The following ASH1L variants were observed in gnomAD, a reference collection of about 807,000 sequenced individuals.
ASH1L encodes the protein histone-lysine N-methyltransferase ASH1L.
A neutral mutation model predicts 269.0 loss-of-function variants in ASH1L; 23 were observed. The ratio of observed to expected loss-of-function variants is 0.09; its 90% CI spans 0.06 to 0.12. The LOEUF (loss-of-function observed/expected upper bound fraction) is 0.12, where lower values mean the gene tolerates loss of function less well. Ranked by LOEUF, ASH1L falls within the 10% of genes least tolerant of loss-of-function variation. ASH1L has a pLI of 1.00. For missense variants in ASH1L, 2,912 were observed against 3,567.8 expected (o/e 0.82, Z 4.68); for synonymous variants, 1,187 against 1,253.5 (o/e 0.95, Z 1.12).
At chr1:155,491,057 C>G (rs1177026947) in intron 2 of ASH1L, among the ~76,000 whole-genome samples, 1 of 135,604 alleles carries the variant, frequency 7.4e-6, no homozygotes, top group Admixed American at 7.6e-5. Context: ...ATCTATTATT[C>G]TAAACGTCTT....
chr1:155,497,634 C>T (rs988182421), intron 2 of ASH1L, among the ~76,000 whole-genome samples: 16 of 152,000 alleles, frequency 1.1e-4, no homozygotes, highest in African/African-American at 3.4e-4. Context: ...CTGGGGGAGT[C>T]AAAAGTTATA....
chr1:155,528,576 G>A (rs772802153), intron 1 of ASH1L, among the ~76,000 whole-genome samples: 2 of 152,142 alleles, frequency 1.3e-5, no homozygotes, highest in Non-Finnish European at 2.9e-5. Flanking sequence ...TCTGCTGGCA[G>A]ACTTGCCTCT....
chr1:155,562,648 C>T lies in ASH1L; in HGVS notation c.-595G>A, dbSNP rs1672106356. The stretch of plus-strand genomic sequence containing the variant: ...CGGGCTCGTCGCTGGCTGCTCCCAC[C>T]AACCACCACCTTCGGCCGCCCCGCG... On this transcript the variant is annotated 5_prime_UTR_variant, in exon 1 of 28. Transcript: ENST00000392403. 1 of 1,525,758 alleles carries T rather than the reference C, an allele frequency of 6.6e-7. No individual in the cohort carries two copies. The highest frequency in any genetic ancestry group is 1.4e-5 in the African/African-American group (1 of 72,870). 94.5% of individuals were successfully genotyped at this position (1,525,758 alleles called of 1,614,324 possible). A position where few individuals can be genotyped will look rare whatever the true frequency, so the allele number is the denominator to read the frequency against.
At chr1:155,436,220 G>A (rs777327744) in intron 5 of ASH1L, among the ~76,000 whole-genome samples, 4 of 151,728 alleles carry the variant, frequency 2.6e-5, no homozygotes, top group South Asian at 2.1e-4. Flanking sequence ...ACAAAGTTTC[G>A]CTCTTGTTGC....
Position 155,459,891 on chromosome 1 carries a change from C to T in ASH1L, c.4992G>A (p.Gln1664=). The T allele has an allele frequency of 6.3e-7, 1 of 1,590,378 alleles. No individual in the cohort carries two copies. The highest frequency in any genetic ancestry group is 8.5e-7 in the Non-Finnish European group (1 of 1,170,416). ...GCTGGGAGGGTTTATCAGAGGTTGG[C>T]TGGGAGCCTGGAGAAAGAGAAAAAG... ...ERAVQTLAGS[Q]PTSDKPSQRP... The change falls in exon 4 of 28, where the codon CAG becomes CAA. Residue 1664 remains glutamine, a synonymous_variant. Transcript: ENST00000392403.
intron 1 of ASH1L, among the ~76,000 whole-genome samples, chr1:155,525,434 T>C (rs1324898162): frequency 6.6e-6 from 1 of 151,212 alleles, no homozygotes; most frequent in African/African-American, 2.4e-5. Context: ...TGAATAATGA[T>C]AAATTACAAT....
chr1:155,488,074 A>G, intron 2 of ASH1L, among the ~76,000 whole-genome samples: 1 of 150,952 alleles, frequency 6.6e-6, no homozygotes, highest in East Asian at 2.0e-4. Flanking sequence ...TTTAGTAAAG[A>G]CGGGGTTTCA....
intron 3 of ASH1L, among the ~76,000 whole-genome samples, chr1:155,461,351 A>G (rs1664286409): frequency 6.6e-6 from 1 of 151,688 alleles, no homozygotes; most frequent in Non-Finnish European, 1.5e-5. Context: ...GTGAGATGTA[A>G]GACTATATGC....
intron 4 of ASH1L, among the ~76,000 whole-genome samples, chr1:155,443,790 A>C (rs1402802310): frequency 6.6e-6 from 1 of 152,106 alleles, no homozygotes; most frequent in Non-Finnish European, 1.5e-5. Context: ...TACTATTCAC[A>C]TATTTCTTTT....
chr1:155,468,231 A>ATTAT (rs553318025), intron 3 of ASH1L, among the ~76,000 whole-genome samples: 1 of 148,824 alleles, frequency 6.7e-6, no homozygotes, highest in Non-Finnish European at 1.5e-5. Context: ...TATTATTATT[A>ATTAT]TTTTTTTTTT....
At chr1:155,405,248 AG>A (rs144076189) in intron 6 of ASH1L, among the ~76,000 whole-genome samples, 16,373 of 148,880 alleles carry the variant, frequency 0.11, 1,985 homozygotes, top group East Asian at 0.68. Context: ...TAGGGGGCTG[AG>A]GGGGGGGCAG....
intron 3 of ASH1L, among the ~76,000 whole-genome samples, chr1:155,471,101 TAA>T (rs1175462004): frequency 6.6e-6 from 1 of 152,220 alleles, no homozygotes; most frequent in Non-Finnish European, 1.5e-5. Context: ...AAAAGTATAT[TAA>T]GTTTCTATTA....
At chr1:155,537,897 C>T (rs1180359455) in intron 1 of ASH1L, among the ~76,000 whole-genome samples, 3 of 152,180 alleles carry the variant, frequency 2.0e-5, no homozygotes, top group African/African-American at 7.2e-5. Context: ...GGAAGCCACT[C>T]CTGAGTCTTA....
intron 3 of ASH1L, among the ~76,000 whole-genome samples, chr1:155,466,366 CA>C (rs1664700112): frequency 6.6e-6 from 1 of 151,792 alleles, no homozygotes; most frequent in Non-Finnish European, 1.5e-5. Context: ...AAAAACAAAA[CA>C]AAACAAAACA....
Position 155,481,350 on chromosome 1 carries a change from G to A in ASH1L, c.1520C>T (p.Ser507Leu). ...EGTCIQQDSF[S>L]SSEKGSYETS... The stretch of plus-strand genomic sequence containing the variant: ...TTCATAAGATCCCTTTTCACTGGAT[G>A]AGAAACTGTCTTGCTGAATGCATGT... The change falls in exon 3 of 28, where the codon TCA becomes TTA. Residue 507 changes from serine to leucine, a missense_variant. Ser to Leu is a moderately radical substitution (Grantham distance 145). Coordinates refer to ENST00000392403, the MANE Select transcript of ASH1L (RefSeq NM_018489.3). 3 of 1,614,122 alleles carry A rather than the reference G, an allele frequency of 1.9e-6. No homozygotes were observed. Among genetic ancestry groups the A allele is most frequent in the African/African-American group, 1.3e-5 (1 of 75,062 alleles).
At chr1:155,369,257 C>A (rs1370923709) in intron 12 of ASH1L, among the ~76,000 whole-genome samples, 1 of 152,076 alleles carries the variant, frequency 6.6e-6, no homozygotes, top group Non-Finnish European at 1.5e-5. Context: ...TCCTGGCTAA[C>A]ACAGTGAAAC....
At chr1:155,442,796 A>G (rs566452748) in intron 4 of ASH1L, among the ~76,000 whole-genome samples, 1 of 152,102 alleles carries the variant, frequency 6.6e-6, no homozygotes, top group South Asian at 2.1e-4. Context: ...TTTTTTCTTG[A>G]TTCAAGGCCT....
At chr1:155,528,792 T>C (rs749747042) in intron 1 of ASH1L, among the ~76,000 whole-genome samples, 1 of 152,172 alleles carries the variant, frequency 6.6e-6, no homozygotes, top group African/African-American at 2.4e-5. Context: ...GTTTATTTCA[T>C]CACCCAGGTA....
intron 2 of ASH1L, among the ~76,000 whole-genome samples, chr1:155,497,751 C>T (rs75915840): frequency 0.04 from 5,422 of 137,244 alleles, 338 homozygotes; most frequent in African/African-American, 0.14. Flanking sequence ...GAAGAAAATT[C>T]TTTTTTTTTT....
Sources: allele counts gnomAD v4.1 joint callset (sites outside exome capture counted in the v4.1 genomes callset), GRCh38; gene constraint gnomAD v4.1.1; transcripts MANE v1.5; gene names NCBI Gene and HGNC (gene_info 2026-07-23, HGNC 2026-07-21).